RIMS2: variants seen among roughly 807,000 people sequenced by gnomAD.
RIMS2 encodes regulating synaptic membrane exocytosis 2.
RIMS2 carries 59 observed loss-of-function variants against 174.4 expected under a neutral mutation model. The observed-to-expected ratio is 0.34, with a 90% confidence interval of 0.27 to 0.42. The LOEUF (loss-of-function observed/expected upper bound fraction) is 0.42, where lower values mean the gene tolerates loss of function less well. RIMS2 is among the 10% of genes least tolerant of loss of function. RIMS2 has a pLI of 1.00. For missense variants in RIMS2, 1,620 were observed against 1,666.3 expected, an observed-to-expected ratio of 0.97 and a Z score of 0.48; for synonymous variants, 606 against 572.5, an observed-to-expected ratio of 1.06 and a Z score of -0.84.
intron 3 of RIMS2, among the ~76,000 whole-genome samples, chr8:103,843,252 A>G (rs2098950671): frequency 6.6e-6 from 1 of 152,138 alleles, no homozygotes; most frequent in South Asian, 2.1e-4. Flanking sequence ...CTAGTTCGTA[A>G]CCCCAACAAT....
chr8:103,905,527 T>G (rs561067799), intron 4 of RIMS2, among the ~76,000 whole-genome samples: 1 of 152,132 alleles, frequency 6.6e-6, no homozygotes, highest in Non-Finnish European at 1.5e-5. Context: ...GTTTTTAGTT[T>G]TAGTTTGATT....
At chr8:104,035,804 A>G (rs1027192470) in intron 19 of RIMS2, among the ~76,000 whole-genome samples, 9 of 152,160 alleles carry the variant, frequency 5.9e-5, no homozygotes, top group African/African-American at 1.7e-4. Context: ...GGTCATTATC[A>G]GCAGCTTGAT....
intron 16 of RIMS2, among the ~76,000 whole-genome samples, chr8:103,988,479 G>A (rs2094495936): frequency 6.6e-6 from 1 of 152,120 alleles, no homozygotes; most frequent in African/African-American, 2.4e-5. Context: ...TATTTTTTGA[G>A]ATGGAGTTTC....
chr8:104,050,616 A>G (rs914900935), intron 19 of RIMS2, among the ~76,000 whole-genome samples: 6 of 152,228 alleles, frequency 3.9e-5, no homozygotes, highest in African/African-American at 4.8e-5. Flanking sequence ...AATTTATGCT[A>G]TAAAGTATTT....
At chr8:104,152,309 G>A (rs1039614339) in intron 19 of RIMS2, among the ~76,000 whole-genome samples, 5 of 151,924 alleles carry the variant, frequency 3.3e-5, no homozygotes, top group African/African-American at 1.2e-4. Flanking sequence ...ATTTTTAATT[G>A]TTCTTAAAAT....
intron 19 of RIMS2, among the ~76,000 whole-genome samples, chr8:104,243,995 A>C (rs947248559): frequency 5.9e-5 from 9 of 152,118 alleles, no homozygotes; most frequent in Non-Finnish European, 1.3e-4. Context: ...CACCTTTGCC[A>C]TGCTGTTTCC....
chr8:104,149,819 C>G (rs1225726793), intron 19 of RIMS2, among the ~76,000 whole-genome samples: 1 of 152,010 alleles, frequency 6.6e-6, no homozygotes. Context: ...GCAAACCGTA[C>G]TTGTGATTCT....
At chr8:104,209,709 A>G (rs1200350436) in intron 19 of RIMS2, among the ~76,000 whole-genome samples, 2 of 152,192 alleles carry the variant, frequency 1.3e-5, no homozygotes, top group Non-Finnish European at 2.9e-5. Context: ...GTGCCTAAAA[A>G]TTTTGTTAAA....
rs187275609 is a variant in RIMS2, at chr8:103,978,794, C to A, written c.2927+3288C>A. Among the ~76,000 whole-genome samples, 1,299 of 152,178 alleles carry A rather than the reference C, an allele frequency of 8.5e-3. 19 individuals are homozygous for A. The highest frequency in any genetic ancestry group is 0.029 in the African/African-American group (1,220 of 41,522). ...ACAGAAATCAATAATCAGACCCCCCCAAAAAAATTAGCAATGGCTTAGAAA... is the reference window on the plus strand; with the variant it reads ...ACAGAAATCAATAATCAGACCCCCCAAAAAAAATTAGCAATGGCTTAGAAA... On this transcript the variant is annotated intron_variant, in intron 16 of 23. Coordinates refer to ENST00000504942, the Ensembl canonical transcript of RIMS2.
chr8:103,861,016 A>G (rs1332929615), intron 3 of RIMS2, among the ~76,000 whole-genome samples: 1 of 152,044 alleles, frequency 6.6e-6, no homozygotes, highest in Non-Finnish European at 1.5e-5. Flanking sequence ...GGAATTACAT[A>G]TACAGGTTTG....
At chr8:103,599,699 C>T (rs976038449) in intron 1 of RIMS2, among the ~76,000 whole-genome samples, 3 of 151,944 alleles carry the variant, frequency 2.0e-5, no homozygotes, top group African/African-American at 7.3e-5. Context: ...GATCCTCTTG[C>T]CTTGGCCTCT....
intron 1 of RIMS2, among the ~76,000 whole-genome samples, chr8:103,585,168 G>A (rs1021255687): frequency 6.6e-6 from 1 of 152,174 alleles, no homozygotes; most frequent in Non-Finnish European, 1.5e-5. Context: ...TTAGAGAAGT[G>A]CAAATTAAAA....
At chr8:103,570,848 G>A (rs1458039466) in intron 1 of RIMS2, among the ~76,000 whole-genome samples, 1 of 152,066 alleles carries the variant, frequency 6.6e-6, no homozygotes. Context: ...AATATTTCCA[G>A]ATAAAGTTTG....
At position 103,960,795 on chromosome 8, in the gene RIMS2, T is replaced by C. The variant is rs185298014; in HGVS notation, c.2702-270T>C. 2.0e-5 allele frequency among the ~76,000 whole-genome samples: 3 copies of C among 152,320 alleles called. No individual in the cohort carries two copies. In the East Asian group the frequency reaches 5.8e-4, roughly 29 times the overall value. On this transcript the variant is annotated intron_variant, in intron 14 of 23. Transcript: ENST00000504942. ...ACATATTATTTAGTATTTAATGTTATTTTAAGCTTTAAACCATTTAGGAAC... is the reference window on the plus strand; with the variant it reads ...ACATATTATTTAGTATTTAATGTTACTTTAAGCTTTAAACCATTTAGGAAC...
chr8:103,658,206 T>A (rs1395068272), intron 1 of RIMS2, among the ~76,000 whole-genome samples: 1 of 152,222 alleles, frequency 6.6e-6, no homozygotes, highest in Non-Finnish European at 1.5e-5. Context: ...TTACTTTCAA[T>A]GCCAAAACTG....
At chr8:103,584,411 A>G (rs1175249634) in intron 1 of RIMS2, among the ~76,000 whole-genome samples, 1 of 143,788 alleles carries the variant, frequency 7.0e-6, no homozygotes, top group Non-Finnish European at 1.5e-5. Flanking sequence ...CAAACTTACT[A>G]GTAATAGTAA....
chr8:104,090,505 T>C lies in RIMS2; in HGVS notation c.3334+75890T>C, dbSNP rs534462131. 3.3e-5 allele frequency among the ~76,000 whole-genome samples: 5 copies of C among 151,670 alleles called. No individual in the cohort carries two copies. The South Asian group carries it at 6.2e-4, about 19-fold the overall frequency. On this transcript the variant is annotated intron_variant, in intron 19 of 23. Transcript: ENST00000504942. Reference sequence around the variant, plus strand: ...GTTTCAGATATGAAAGAAAAGCAAATTGGACAAAAACCAATCAGGAAAGCT... The same window carrying C: ...GTTTCAGATATGAAAGAAAAGCAAACTGGACAAAAACCAATCAGGAAAGCT...
At chr8:103,511,154 A>T (rs1330489562) in intron 1 of RIMS2, among the ~76,000 whole-genome samples, 1 of 152,142 alleles carries the variant, frequency 6.6e-6, no homozygotes, top group Non-Finnish European at 1.5e-5. Context: ...ATGTTTGTGT[A>T]ACTGGGTTTT....
intron 19 of RIMS2, among the ~76,000 whole-genome samples, chr8:104,098,156 G>A (rs1400105121): frequency 6.6e-6 from 1 of 152,082 alleles, no homozygotes; most frequent in African/African-American, 2.4e-5. Flanking sequence ...TTCAAAAATA[G>A]TTTGTTAAAT....
Sources: allele counts gnomAD v4.1 joint callset (sites outside exome capture counted in the v4.1 genomes callset), GRCh38; gene constraint gnomAD v4.1.1; transcripts MANE v1.5; gene names NCBI Gene and HGNC (gene_info 2026-07-23, HGNC 2026-07-21).